Variants in HSD17B12 observed in about 807,000 individuals in gnomAD.
The protein encoded by HSD17B12 is hydroxysteroid 17-beta dehydrogenase 12.
HSD17B12 carries 32 observed loss-of-function variants against 39.3 expected under a neutral mutation model. The observed-to-expected ratio is 0.81, with a 90% CI of 0.61 to 1.09. The LOEUF (loss-of-function observed/expected upper bound fraction) is 1.09, where lower values mean the gene tolerates loss of function less well. Among genes scored for constraint, HSD17B12 ranks in the 50% least tolerant of loss-of-function variants. The pLI, the probability that HSD17B12 is intolerant of heterozygous loss-of-function variation, is 0.00. For missense variants in HSD17B12, 342 were observed against 382.9 expected (o/e 0.89, Z 0.89); for synonymous variants, 150 against 146.7 (o/e 1.02, Z -0.16).
chr11:43,797,251 A>G (rs1374019439), intron 3 of HSD17B12, among the ~76,000 whole-genome samples: 1 of 152,194 alleles, frequency 6.6e-6, no homozygotes, highest in East Asian at 1.9e-4. Context: ...ACTTTGACTA[A>G]AGAAAGATTT....
At chr11:43,685,286 C>CTCTGCTTAGCCATGCTCAAGA (rs56119404) in intron 1 of HSD17B12, among the ~76,000 whole-genome samples, 1 of 152,106 alleles carries the variant, frequency 6.6e-6, no homozygotes, top group South Asian at 2.1e-4. Context: ...TGAAAACATG[C>CTCTGCTTAGCCATGCTCAAGA]ATCAAAGGAT....
intron 9 of HSD17B12, among the ~76,000 whole-genome samples, chr11:43,850,292 T>C (rs1421082102): frequency 1.3e-5 from 2 of 152,186 alleles, no homozygotes; most frequent in Admixed American, 6.5e-5. Context: ...TAAGTTTTTG[T>C]ATACCAGATC....
At chr11:43,750,789 T>C in intron 1 of HSD17B12, 122 bp from the exon 2 acceptor site, 1 of 583,554 alleles carries the variant, frequency 1.7e-6, no homozygotes. Flanking sequence ...CCGCTGGTAT[T>C]GTTCTGTCTT....
upstream of HSD17B12, among the ~76,000 whole-genome samples, chr11:43,676,893 C>G (rs1565043613): frequency 1.3e-5 from 2 of 152,102 alleles, no homozygotes. Context: ...GACTGAATAT[C>G]TAGAGGGTGC....
intron 1 of HSD17B12, among the ~76,000 whole-genome samples, chr11:43,703,288 G>A (rs1175541645): frequency 7.3e-5 from 11 of 151,598 alleles, no homozygotes; most frequent in East Asian, 5.8e-4. Flanking sequence ...TCCGCCTCCC[G>A]GGTTCACGCC....
chr11:43,614,044 T>C, the HSD17B12 span, among the ~76,000 whole-genome samples: 3 of 152,206 alleles, frequency 2.0e-5, no homozygotes, highest in Non-Finnish European at 2.9e-5. Context: ...ATATTTTACT[T>C]CTGCATATAT....
intron 3 of HSD17B12, among the ~76,000 whole-genome samples, chr11:43,775,677 A>T (rs1950694879): frequency 6.6e-6 from 1 of 151,890 alleles, no homozygotes; most frequent in Admixed American, 6.6e-5. Flanking sequence ...TTACATATGT[A>T]TACATGTGCC....
At chr11:43,819,306 C>T (rs1278002018) in intron 6 of HSD17B12, among the ~76,000 whole-genome samples, 1 of 152,108 alleles carries the variant, frequency 6.6e-6, no homozygotes, top group African/African-American at 2.4e-5. Context: ...ACATGCCATC[C>T]CTTGGCTCAC....
chr11:43,783,538 T>G (rs1950787347), intron 3 of HSD17B12, among the ~76,000 whole-genome samples: 1 of 152,004 alleles, frequency 6.6e-6, no homozygotes, highest in African/African-American at 2.4e-5. Context: ...ACATTAGGTA[T>G]TTCTCCTAAT....
intron 6 of HSD17B12, chr11:43,830,441 T>C (rs578074979): frequency 1.3e-5 from 2 of 152,354 alleles, no homozygotes. Flanking sequence ...ATCTTAACTC[T>C]CTTTAAGGAT....
intron 1 of HSD17B12, among the ~76,000 whole-genome samples, chr11:43,692,702 AGTG>A (rs1370091987): frequency 6.6e-6 from 1 of 152,198 alleles, no homozygotes; most frequent in African/African-American, 2.4e-5. Context: ...TAAATTCTAG[AGTG>A]TGTTGACCAA....
At chr11:43,825,008 G>A (rs569221866) in intron 6 of HSD17B12, among the ~76,000 whole-genome samples, 23 of 152,214 alleles carry the variant, frequency 1.5e-4, no homozygotes, top group Admixed American at 1.1e-3. Context: ...GCTCACACCT[G>A]TGGTCCCAGC....
chr11:43,568,622 G>A, the HSD17B12 span, among the ~76,000 whole-genome samples: 2 of 152,194 alleles, frequency 1.3e-5, no homozygotes, highest in African/African-American at 4.8e-5. Flanking sequence ...GATAGGTAGG[G>A]CAGATAGTGC....
chr11:43,717,967 G>C (rs1253123595), intron 1 of HSD17B12, among the ~76,000 whole-genome samples: 1 of 151,968 alleles, frequency 6.6e-6, no homozygotes, highest in Admixed American at 6.6e-5. Flanking sequence ...ACCATACCCA[G>C]CTCATTTTTA....
the HSD17B12 span, among the ~76,000 whole-genome samples, chr11:43,636,936 A>G: frequency 5.3e-5 from 8 of 152,172 alleles, no homozygotes; most frequent in Non-Finnish European, 1.2e-4. Flanking sequence ...AGTGTGTATC[A>G]TTGTGATTAA....
chr11:43,799,651 T>C (rs962966331), intron 4 of HSD17B12, among the ~76,000 whole-genome samples: 12 of 152,012 alleles, frequency 7.9e-5, no homozygotes, highest in Non-Finnish European at 1.6e-4. Context: ...AACCAACTAA[T>C]TGTCATTGTT....
intron 6 of HSD17B12, among the ~76,000 whole-genome samples, chr11:43,828,105 T>C (rs1433676632): frequency 1.3e-5 from 2 of 151,960 alleles, no homozygotes; most frequent in East Asian, 1.9e-4. Flanking sequence ...ACTCTCACTG[T>C]TGTAGAAGCA....
At chr11:43,599,593 T>G in the HSD17B12 span, among the ~76,000 whole-genome samples, 1 of 152,160 alleles carries the variant, frequency 6.6e-6, no homozygotes, top group Admixed American at 6.5e-5. Context: ...CCTCTGGTAG[T>G]CTCCAGTGTC....
the HSD17B12 span, among the ~76,000 whole-genome samples, chr11:43,567,628 T>C: frequency 5.3e-5 from 8 of 152,144 alleles, no homozygotes; most frequent in African/African-American, 1.9e-4. Flanking sequence ...CGCCCTGCCT[T>C]GTGGGTATCA....
Sources: gnomAD v4.1 joint callset for allele counts (sites outside exome capture counted in the v4.1 genomes callset) on GRCh38, gnomAD v4.1.1 for gene constraint, MANE v1.5 for transcripts, NCBI Gene and HGNC (gene_info 2026-07-23, HGNC 2026-07-21) for gene names.